The following SLC16A7 variants were observed in gnomAD, a reference collection of about 807,000 sequenced individuals.
SLC16A7 encodes the protein solute carrier family 16 member 7.
In SLC16A7, 33 loss-of-function variants were observed where a neutral mutation model predicts 34.9. The observed-to-expected ratio is 0.94, with a 90% CI of 0.72 to 1.26. SLC16A7 has a LOEUF of 1.26. Ranked by LOEUF, SLC16A7 falls within the 50% of genes most tolerant of loss-of-function variation. SLC16A7 has a pLI of 0.00. For missense variants in SLC16A7, 573 were observed against 578.1 expected, an observed-to-expected ratio of 0.99 and a Z score of 0.09; for synonymous variants, 201 against 206.6, an observed-to-expected ratio of 0.97 and a Z score of 0.23.
chr12:59,684,014 T>G (rs535913852), intron 2 of SLC16A7, among the ~76,000 whole-genome samples: 1 of 152,166 alleles, frequency 6.6e-6, no homozygotes, highest in Non-Finnish European at 1.5e-5. Flanking sequence ...CAGTCAGAAT[T>G]TATTAAGAGA....
At chr12:59,659,501 C>T (rs749169275) in intron 2 of SLC16A7, among the ~76,000 whole-genome samples, 77 of 152,144 alleles carry the variant, frequency 5.1e-4, no homozygotes, top group Admixed American at 1.9e-3. Context: ...TCCTGGCATC[C>T]CTCCTGTACA....
chr12:59,639,138 T>C (rs1880560509), intron 1 of SLC16A7, among the ~76,000 whole-genome samples: 1 of 152,178 alleles, frequency 6.6e-6, no homozygotes, highest in Non-Finnish European at 1.5e-5. Flanking sequence ...TTTATCCTTC[T>C]GTATTCTGAA....
At chr12:59,637,308 G>C (rs996966603) in intron 1 of SLC16A7, among the ~76,000 whole-genome samples, 2 of 152,080 alleles carry the variant, frequency 1.3e-5, no homozygotes, top group Admixed American at 6.6e-5. Context: ...GAGCTCAAAA[G>C]AAACTGGTAA....
intron 2 of SLC16A7, among the ~76,000 whole-genome samples, chr12:59,674,559 A>G (rs1435283739): frequency 6.6e-6 from 1 of 152,156 alleles, no homozygotes; most frequent in East Asian, 1.9e-4. Flanking sequence ...GAACTGCGCT[A>G]ATATTTTTTG....
At chr12:59,744,028 A>G (rs1369290877) in intron 3 of SLC16A7, among the ~76,000 whole-genome samples, 1 of 152,228 alleles carries the variant, frequency 6.6e-6, no homozygotes, top group Non-Finnish European at 1.5e-5. Context: ...GATGTTTTCT[A>G]TATGAGAAAC....
rs5798503 is a variant in SLC16A7 at position 59,636,002 on chromosome 12, TAAAA to T, written c.-129-19136_-129-19133del. ...CCAATTTCTATTAAATGCACTTCTGTAAAAAAAAAAAAAAAAACTGTGTAGGGTA... is the reference window on the plus strand; with the variant it reads ...CCAATTTCTATTAAATGCACTTCTGTAAAAAAAAAAAAACTGTGTAGGGTA... On this transcript the variant is annotated intron_variant, in intron 1 of 5. Transcript: ENST00000547379. Among the ~76,000 whole-genome samples the T allele has an allele frequency of 5.9e-3, 845 of 144,358 alleles. 6 individuals are homozygous for T. The highest frequency in any genetic ancestry group is 0.02 in the African/African-American group (809 of 39,860). The allele number at this position is 144,358 out of a possible 152,430, so 94.7% of individuals were successfully genotyped here.
intron 1 of SLC16A7, among the ~76,000 whole-genome samples, chr12:59,604,476 G>A (rs1204665116): frequency 6.6e-6 from 1 of 151,666 alleles, no homozygotes; most frequent in African/African-American, 2.4e-5. Context: ...AACATGTCTT[G>A]TGTGTGTGTG....
chr12:59,748,655 A>G (rs1879162730), intron 3 of SLC16A7, among the ~76,000 whole-genome samples: 1 of 152,230 alleles, frequency 6.6e-6, no homozygotes, highest in East Asian at 1.9e-4. Context: ...AATTGAATAC[A>G]GCAAAAATAC....
chr12:59,752,696 G>C (rs1389179829), intron 3 of SLC16A7, among the ~76,000 whole-genome samples: 1 of 152,202 alleles, frequency 6.6e-6, no homozygotes, highest in Non-Finnish European at 1.5e-5. Context: ...ATATTATCCA[G>C]GAGAACTTCC....
At chr12:59,758,474 A>G (rs942519378) in intron 3 of SLC16A7, among the ~76,000 whole-genome samples, 11 of 152,118 alleles carry the variant, frequency 7.2e-5, no homozygotes, top group Non-Finnish European at 1.5e-4. Context: ...TAGAATCTCT[A>G]CAACAGATAG....
intron 1 of SLC16A7, among the ~76,000 whole-genome samples, chr12:59,603,481 T>C (rs1482575323): frequency 1.3e-5 from 2 of 152,160 alleles, no homozygotes; most frequent in African/African-American, 4.8e-5. Flanking sequence ...TTGAAATGAA[T>C]CTAACGTCCT....
At position 59,606,947 on chromosome 12, in the gene SLC16A7, A is replaced by T. The variant is rs117151100; in HGVS notation, c.-130+10711A>T. On this transcript the variant is annotated intron_variant, in intron 1 of 5. Coordinates refer to ENST00000547379, the MANE Select transcript of SLC16A7 (RefSeq NM_001270623.2). The stretch of plus-strand genomic sequence containing the variant: ...ATTAGTGTCAAAATTAATGATAGAG[A>T]ACATGATTTTCTAGGATAGAGGTTG... 2.1e-3 allele frequency among the ~76,000 whole-genome samples: 324 copies of T among 152,266 alleles called. 8 individuals carry two copies. The East Asian group carries it at 0.035, about 16-fold the overall frequency.
intron 1 of SLC16A7, among the ~76,000 whole-genome samples, chr12:59,609,222 A>G (rs1477033570): frequency 6.6e-6 from 1 of 152,196 alleles, no homozygotes; most frequent in Non-Finnish European, 1.5e-5. Flanking sequence ...GGAGATACTA[A>G]ATGATTTTTA....
rs181775467 is a variant in SLC16A7, at chr12:59,723,821, G to A, written c.217+18803G>A. ...CTATTACAAAATTCTAAAACAATAC[G>A]TATTTGTTTTCTACTGTTGTTCCCG... On this transcript the variant is annotated intron_variant, in intron 3 of 5. Transcript: ENST00000547379. 2.3e-3 allele frequency among the ~76,000 whole-genome samples: 347 copies of A among 151,890 alleles called. 2 individuals are homozygous for A. The highest frequency in any genetic ancestry group is 7.2e-3 in the African/African-American group (299 of 41,492).
intron 2 of SLC16A7, among the ~76,000 whole-genome samples, chr12:59,688,342 A>G (rs566189917): frequency 1.1e-4 from 17 of 152,186 alleles, no homozygotes; most frequent in African/African-American, 3.6e-4. Context: ...TTCATGAATG[A>G]AAGATAGTAA....
chr12:59,623,087 T>C (rs1202102391), intron 1 of SLC16A7, among the ~76,000 whole-genome samples: 2 of 149,168 alleles, frequency 1.3e-5, no homozygotes, highest in African/African-American at 4.9e-5. Context: ...TGTGTGTGTG[T>C]GTGTGTCTGT....
At chr12:59,692,290 A>C (rs1482279329) in intron 2 of SLC16A7, among the ~76,000 whole-genome samples, 2 of 151,928 alleles carry the variant, frequency 1.3e-5, no homozygotes, top group African/African-American at 2.4e-5. Context: ...CCAGGGTAAG[A>C]TTCTCTCTCA....
chr12:59,763,805 A>G (rs563294611), intron 3 of SLC16A7: 1 of 152,088 alleles, frequency 6.6e-6, no homozygotes, highest in Non-Finnish European at 1.5e-5. Flanking sequence ...TCTTATTGTT[A>G]TTATATCTGT....
At chr12:59,650,351 C>T (rs1868321573) in intron 1 of SLC16A7, among the ~76,000 whole-genome samples, 1 of 152,084 alleles carries the variant, frequency 6.6e-6, no homozygotes, top group African/African-American at 2.4e-5. Context: ...AGTCCAGACA[C>T]CTATTTATGG....
Sources: gnomAD v4.1 joint callset for allele counts (sites outside exome capture counted in the v4.1 genomes callset) on GRCh38, gnomAD v4.1.1 for gene constraint, MANE v1.5 for transcripts, NCBI Gene and HGNC (gene_info 2026-07-23, HGNC 2026-07-21) for gene names.